Variants in RBMS3 observed in about 807,000 individuals in gnomAD.
RBMS3 encodes the protein RNA-binding motif, single-stranded-interacting protein 3.
A neutral mutation model predicts 66.8 loss-of-function variants in RBMS3; 27 were observed. The ratio of observed to expected loss-of-function variants is 0.40; its 90% CI spans 0.30 to 0.56. The LOEUF (loss-of-function observed/expected upper bound fraction) is 0.56, where lower values mean the gene tolerates loss of function less well. Among genes scored for constraint, RBMS3 ranks in the 20% least tolerant of loss-of-function variants. The pLI is 0.40. For synonymous variants in RBMS3, 188 were observed against 183.0 expected (o/e 1.03, Z -0.22); for missense variants, 513 against 549.5 (o/e 0.93, Z 0.66).
At chr3:29,686,992 G>T (rs1233634426) in intron 4 of RBMS3, among the ~76,000 whole-genome samples, 1 of 152,140 alleles carries the variant, frequency 6.6e-6, no homozygotes, top group African/African-American at 2.4e-5. Flanking sequence ...GCTAGATGCT[G>T]CACTCTACAA....
chr3:29,708,081 G>A (rs2149301845), intron 4 of RBMS3, among the ~76,000 whole-genome samples: 1 of 152,264 alleles, frequency 6.6e-6, no homozygotes, highest in Non-Finnish European at 1.5e-5. Context: ...GCAACAAAAA[G>A]CAAATTAAAG....
intron 4 of RBMS3, among the ~76,000 whole-genome samples, chr3:29,676,997 C>A (rs894585684): frequency 6.6e-6 from 1 of 152,086 alleles, no homozygotes; most frequent in East Asian, 1.9e-4. Context: ...TCTGGGGAGG[C>A]CTCAGGGAGC....
At chr3:29,318,295 TG>T (rs2034808895) in intron 1 of RBMS3, among the ~76,000 whole-genome samples, 1 of 152,014 alleles carries the variant, frequency 6.6e-6, no homozygotes, top group African/African-American at 2.4e-5. Context: ...CCAAGAATTT[TG>T]CAAACTAGAA....
At chr3:29,426,973 A>G (rs967601700) in intron 1 of RBMS3, among the ~76,000 whole-genome samples, 1 of 152,234 alleles carries the variant, frequency 6.6e-6, no homozygotes, top group Admixed American at 6.5e-5. Flanking sequence ...ACTCATGACA[A>G]GAGGTTTAAG....
At chr3:29,745,773 C>T (rs9868093) in intron 5 of RBMS3, among the ~76,000 whole-genome samples, 4,563 of 152,190 alleles carry the variant, frequency 0.03, 189 homozygotes, top group African/African-American at 0.09. Context: ...TACTCTTAAT[C>T]TGATTCTCAT....
chr3:29,616,781 G>A (rs1174325518), intron 4 of RBMS3: 4 of 152,122 alleles, frequency 2.6e-5, no homozygotes, highest in Non-Finnish European at 4.4e-5. Flanking sequence ...AATAGAATAT[G>A]TTTCATCAAT....
chr3:29,651,104 T>C (rs2050129565), intron 4 of RBMS3, among the ~76,000 whole-genome samples: 1 of 152,188 alleles, frequency 6.6e-6, no homozygotes, highest in African/African-American at 2.4e-5. Context: ...CATGAAAGAC[T>C]AAAAGACTGA....
chr3:29,491,891 G>A (rs2043559687), intron 3 of RBMS3, among the ~76,000 whole-genome samples: 1 of 152,176 alleles, frequency 6.6e-6, no homozygotes. Context: ...TACTTGGGAG[G>A]CTGAGGCAGG....
chr3:29,611,784 A>G (rs2048501340), intron 4 of RBMS3, among the ~76,000 whole-genome samples: 1 of 152,026 alleles, frequency 6.6e-6, no homozygotes, highest in African/African-American at 2.4e-5. Flanking sequence ...AAAAAAACTA[A>G]AAGTTTTTAG....
At chr3:29,680,850 A>G (rs186081501) in intron 4 of RBMS3, among the ~76,000 whole-genome samples, 37 of 152,322 alleles carry the variant, frequency 2.4e-4, no homozygotes, top group Non-Finnish European at 3.8e-4. Context: ...TTCCTCTTTT[A>G]GGATGGAATT....
At chr3:29,323,370 A>G (rs1266891209) in intron 1 of RBMS3, among the ~76,000 whole-genome samples, 2 of 152,170 alleles carry the variant, frequency 1.3e-5, no homozygotes, top group African/African-American at 4.8e-5. Flanking sequence ...ATAGTAAAGA[A>G]ACAAAGCCGT....
chr3:29,505,330 G>A (rs1008594675), intron 3 of RBMS3, among the ~76,000 whole-genome samples: 3 of 151,770 alleles, frequency 2.0e-5, no homozygotes, highest in Admixed American at 1.3e-4. Flanking sequence ...TTGCTCTTGT[G>A]TATTCTCAGT....
intron 1 of RBMS3, among the ~76,000 whole-genome samples, chr3:29,420,355 C>T (rs1195699562): frequency 6.6e-6 from 1 of 152,116 alleles, no homozygotes; most frequent in African/African-American, 2.4e-5. Context: ...ACTATTCATT[C>T]TTGTAATTCC....
At chr3:29,841,333 G>A (rs1391933381) in intron 6 of RBMS3, among the ~76,000 whole-genome samples, 1 of 151,900 alleles carries the variant, frequency 6.6e-6, no homozygotes, top group African/African-American at 2.4e-5. Context: ...TGGAATGTTA[G>A]TAATGTACAC....
chr3:29,611,419 C>T lies in RBMS3; in HGVS notation c.399+24214C>T, dbSNP rs112592793. Among the ~76,000 whole-genome samples the T allele has an allele frequency of 8.0e-3, 1,215 of 152,040 alleles. 9 individuals are homozygous for T. The highest frequency in any genetic ancestry group is 0.012 in the Non-Finnish European group (827 of 67,942). ...TTGTAAACAGCAGCCTGATCAAATT[C>T]GGCTGTATTCTGCTCACAGTATATG... On this transcript the variant is annotated intron_variant, in intron 4 of 14. Transcript: ENST00000383767.
chr3:29,591,956 T>C (rs1294515357), intron 4 of RBMS3, among the ~76,000 whole-genome samples: 6 of 152,024 alleles, frequency 3.9e-5, no homozygotes, highest in Admixed American at 2.0e-4. Flanking sequence ...AGAGACTAAG[T>C]GTCCCAGAGG....
At chr3:29,299,627 T>C (rs1374076487) in intron 1 of RBMS3, among the ~76,000 whole-genome samples, 1 of 151,756 alleles carries the variant, frequency 6.6e-6, no homozygotes, top group Non-Finnish European at 1.5e-5. Context: ...ATAATACAAA[T>C]AAAAATATAG....
chr3:29,850,103 A>C (rs1414478970), intron 6 of RBMS3, among the ~76,000 whole-genome samples: 1 of 152,200 alleles, frequency 6.6e-6, no homozygotes, highest in Non-Finnish European at 1.5e-5. Flanking sequence ...ATTAGACTGG[A>C]TCTTAGAGGA....
chr3:29,962,037 ATATAT>A lies in RBMS3; in HGVS notation c.1098+17789_1098+17793del, dbSNP rs546202277. ...TTTTTATATATATTTTGTATGTATA[ATATAT>A]TATATATGTGTATATATAATATATT... On this transcript the variant is annotated intron_variant, in intron 12 of 14. Coordinates refer to ENST00000383767, the MANE Select transcript of RBMS3 (RefSeq NM_001003793.3). Among the ~76,000 whole-genome samples the A allele has an allele frequency of 4.6e-3, 662 of 145,466 alleles. 7 individuals are homozygous for A. Among genetic ancestry groups the A allele is most frequent in the Admixed American group, 0.015 (220 of 14,398 alleles).
Sources: allele counts gnomAD v4.1 joint callset (sites outside exome capture counted in the v4.1 genomes callset), GRCh38; gene constraint gnomAD v4.1.1; transcripts MANE v1.5; gene names NCBI Gene and HGNC (gene_info 2026-07-23, HGNC 2026-07-21).